SIK3: variants seen among roughly 807,000 people sequenced by gnomAD.
SIK3 encodes the protein serine/threonine-protein kinase SIK3.
Under a neutral mutation model 144.2 loss-of-function variants are expected in SIK3, and 28 were observed. The observed-to-expected ratio is 0.19, with a 90% CI of 0.14 to 0.27. SIK3 has a LOEUF of 0.27. Ranked by LOEUF, SIK3 falls within the 10% of genes least tolerant of loss-of-function variation. The probability of loss-of-function intolerance (pLI) is 1.00; values close to 1 mark genes in which losing one functional copy is unlikely to be tolerated. For missense variants in SIK3, 1,319 were observed against 1,776.0 expected, an observed-to-expected ratio of 0.74 and a Z score of 4.62; for synonymous variants, 686 against 676.3, an observed-to-expected ratio of 1.01 and a Z score of -0.22.
intron 1 of SIK3, among the ~76,000 whole-genome samples, chr11:117,031,372 T>A (rs1294633356): frequency 6.6e-6 from 1 of 151,436 alleles, no homozygotes; most frequent in Non-Finnish European, 1.5e-5. Context: ...TTTCCTTTTT[T>A]TTTTTTTGTC....
chr11:116,998,264 G>GT (rs1473344289), intron 1 of SIK3, among the ~76,000 whole-genome samples: 4 of 151,980 alleles, frequency 2.6e-5, no homozygotes, highest in African/African-American at 9.7e-5. Flanking sequence ...AAGGTCAGGA[G>GT]TTTGAAACCA....
chr11:117,020,672 AGGAACACATCCACT>A (rs2135737604), intron 1 of SIK3, among the ~76,000 whole-genome samples: 1 of 152,314 alleles, frequency 6.6e-6, no homozygotes, highest in Non-Finnish European at 1.5e-5. Flanking sequence ...GAGAGTGAAG[AGGAACACATCCACT>A]TGCTGGGAGG....
intron 1 of SIK3, among the ~76,000 whole-genome samples, chr11:117,056,572 TATAG>T (rs1197493820): frequency 5.0e-5 from 6 of 118,834 alleles, no homozygotes; most frequent in East Asian, 2.7e-4. Context: ...TAGATATAGA[TATAG>T]ATATAGATAT....
chr11:116,858,619 C>T lies in SIK3; in HGVS notation c.2846G>A (p.Gly949Asp). 6.2e-7 allele frequency: 1 copy of T among 1,607,708 alleles called. No homozygotes were observed. The highest frequency in any genetic ancestry group is 1.7e-5 in the Admixed American group (1 of 58,688). The change falls in exon 21 of 25, where the codon GGT becomes GAT. Residue 949 changes from glycine (G) to aspartate (D), a missense_variant. Around this residue, in one of 8 missense-constraint regions of SIK3, gnomAD observed 646 missense variants for 763.7 expected, o/e 0.85. Transcript: ENST00000445177. The surrounding 1 kb of genome is among the most constrained non-coding windows in gnomAD (Gnocchi z 5.4). ...TGAAGGGCTGTAGCTGCTGGGGGAA[C>T]CCCGGGACTGGTCCGAAAACAGATG... ...HPHLFSDQSR[G>D]SPSSYSPSTG...
intron 6 of SIK3, among the ~76,000 whole-genome samples, chr11:116,877,799 A>G (rs12292614): frequency 0.071 from 10,781 of 152,268 alleles, 444 homozygotes; most frequent in Middle Eastern, 0.12. Flanking sequence ...AAATGTGGCT[A>G]CTGAGGGTGA....
intron 15 of SIK3, among the ~76,000 whole-genome samples, chr11:116,866,602 C>T (rs528764844): frequency 5.1e-4 from 77 of 152,176 alleles, no homozygotes; most frequent in African/African-American, 1.7e-3. Context: ...CCGCCACACC[C>T]GGCTAATTTT....
chr11:116,962,247 T>C (rs1949374116), intron 1 of SIK3, among the ~76,000 whole-genome samples: 1 of 152,162 alleles, frequency 6.6e-6, no homozygotes, highest in Non-Finnish European at 1.5e-5. Context: ...GATTCAGGGA[T>C]ATGCCAGGAC....
At chr11:117,003,376 A>G (rs1950925234) in intron 1 of SIK3, among the ~76,000 whole-genome samples, 1 of 152,222 alleles carries the variant, frequency 6.6e-6, no homozygotes, top group Non-Finnish European at 1.5e-5. Context: ...CTGGTTTTGC[A>G]CTTTGGGCAA....
At chr11:116,934,891 C>T (rs1947825373) in intron 3 of SIK3, among the ~76,000 whole-genome samples, 1 of 152,078 alleles carries the variant, frequency 6.6e-6, no homozygotes, top group Admixed American at 6.6e-5. Context: ...ACCAGCCTGG[C>T]CAACATGGTG....
At chr11:116,886,286 G>A (rs1944814269) in intron 6 of SIK3, among the ~76,000 whole-genome samples, 1 of 152,212 alleles carries the variant, frequency 6.6e-6, no homozygotes, top group Admixed American at 6.5e-5. Context: ...CAAAAGGTAT[G>A]AGAAAACTGC....
chr11:117,024,997 A>C (rs1951951227), intron 1 of SIK3, among the ~76,000 whole-genome samples: 1 of 152,144 alleles, frequency 6.6e-6, no homozygotes, highest in African/African-American at 2.4e-5. Flanking sequence ...AAACCTCAAA[A>C]GTTTATATCA....
chr11:116,898,439 G>C (rs1945548148), intron 4 of SIK3, among the ~76,000 whole-genome samples: 1 of 151,644 alleles, frequency 6.6e-6, no homozygotes, highest in Admixed American at 6.6e-5. Context: ...AAACATACGT[G>C]TGCATGTGTC....
At chr11:116,944,354 T>C (rs1296942134) in intron 3 of SIK3, among the ~76,000 whole-genome samples, 1 of 152,110 alleles carries the variant, frequency 6.6e-6, no homozygotes, top group Non-Finnish European at 1.5e-5. Flanking sequence ...ACCCATATAG[T>C]CTCAGGGTAG....
chr11:116,929,762 C>T (rs942036232), intron 3 of SIK3, among the ~76,000 whole-genome samples: 1 of 152,202 alleles, frequency 6.6e-6, no homozygotes, highest in Non-Finnish European at 1.5e-5. Context: ...TACGTTAAAA[C>T]TTTCACTTTC....
At chr11:116,969,072 C>T (rs549481086) in intron 1 of SIK3, among the ~76,000 whole-genome samples, 2 of 152,154 alleles carry the variant, frequency 1.3e-5, no homozygotes, top group Admixed American at 6.5e-5. Flanking sequence ...GGGTGGATCA[C>T]AAGGTCAGGA....
chr11:117,023,620 AAATATATAT>A lies in SIK3; in HGVS notation c.274-66565_274-66557del, dbSNP rs1951883423. ...AACAAACAAACAAACAAAAAAAAAA[AAATATATAT>A]ATATATATATATATATTGCACACTG... is the stretch of plus-strand genomic sequence containing the variant. On this transcript the variant is annotated intron_variant, in intron 1 of 24. Transcript: ENST00000445177. 1.0e-4 allele frequency among the ~76,000 whole-genome samples: 10 copies of A among 99,312 alleles called. 2 individuals are homozygous for A. The highest frequency in any genetic ancestry group is 5.4e-4 in the African/African-American group (10 of 18,374). 65.2% of individuals were successfully genotyped at this position (99,312 alleles called of 152,430 possible). A position where few individuals can be genotyped will look rare whatever the true frequency, so the allele number is the denominator to read the frequency against.
intron 4 of SIK3, among the ~76,000 whole-genome samples, chr11:116,924,626 C>T (rs944357923): frequency 3.9e-5 from 6 of 152,224 alleles, no homozygotes; most frequent in Non-Finnish European, 8.8e-5. Context: ...GCTCGCAGCA[C>T]AGTGGTGCAC....
chr11:117,067,122 C>A (rs1954059668), intron 1 of SIK3, among the ~76,000 whole-genome samples: 1 of 152,116 alleles, frequency 6.6e-6, no homozygotes, highest in Non-Finnish European at 1.5e-5. Context: ...TTGGCAGTTT[C>A]TTTAAAAGTT....
intron 21 of SIK3, among the ~76,000 whole-genome samples, chr11:116,850,465 CCATT>C (rs1378535564): frequency 1.3e-5 from 2 of 152,220 alleles, no homozygotes; most frequent in Non-Finnish European, 2.9e-5. Flanking sequence ...CATTCTACAT[CCATT>C]ATCATATGCT....
Sources: gnomAD v4.1 joint callset for allele counts (sites outside exome capture counted in the v4.1 genomes callset) on GRCh38, gnomAD v4.1.1 for gene constraint, gnomAD v4.1.1 regional missense constraint, Gnocchi (gnomAD v3.1) non-coding constraint, MANE v1.5 for transcripts, NCBI Gene and HGNC (gene_info 2026-07-23, HGNC 2026-07-21) for gene names.